The following ASIC2 variants were observed in gnomAD, a reference collection of about 807,000 sequenced individuals.
ASIC2 encodes acid-sensing ion channel 2.
ASIC2 carries 25 observed loss-of-function variants against 57.3 expected under a neutral mutation model. The ratio of observed to expected loss-of-function variants is 0.44; its 90% CI spans 0.32 to 0.61. ASIC2 has a LOEUF of 0.61. Among genes scored for constraint, ASIC2 ranks in the 20% least tolerant of loss-of-function variants. The pLI is 0.06. For synonymous variants in ASIC2, 319 were observed against 307.5 expected (o/e 1.04, Z -0.39); for missense variants, 641 against 738.1 (o/e 0.87, Z 1.52).
At chr17:33,028,159 A>G in intron 4 of ASIC2, 83 bp downstream of exon 4, 1 of 1,522,004 alleles carries the variant, frequency 6.6e-7, no homozygotes, top group Non-Finnish European at 9.0e-7. Context: ...AAGTGGGTGA[A>G]GTGTTTCCCA....
intron 1 of ASIC2, among the ~76,000 whole-genome samples, chr17:33,953,938 G>T (rs569524072): frequency 8.7e-4 from 132 of 152,322 alleles, no homozygotes; most frequent in Non-Finnish European, 1.6e-3. Flanking sequence ...GGGCAATGGG[G>T]TTCCATGGTA....
At chr17:34,073,764 T>A (rs1027444151) in intron 1 of ASIC2, among the ~76,000 whole-genome samples, 13 of 152,162 alleles carry the variant, frequency 8.5e-5, no homozygotes, top group African/African-American at 3.1e-4. Flanking sequence ...ACTTATCCAG[T>A]CAGAAGAAAC....
intron 1 of ASIC2, among the ~76,000 whole-genome samples, chr17:33,649,966 G>A (rs761902458): frequency 1.3e-4 from 20 of 152,178 alleles, no homozygotes; most frequent in South Asian, 4.2e-4. Flanking sequence ...AGTGTGGTCC[G>A]TAAAGAAAAA....
At chr17:33,687,730 C>T (rs903153078) in intron 1 of ASIC2, among the ~76,000 whole-genome samples, 3 of 152,172 alleles carry the variant, frequency 2.0e-5, no homozygotes, top group Admixed American at 1.3e-4. Context: ...ATGTAGTTTA[C>T]GGCATTTAGT....
At chr17:33,200,208 C>G (rs1221492291) in intron 1 of ASIC2, among the ~76,000 whole-genome samples, 1 of 152,186 alleles carries the variant, frequency 6.6e-6, no homozygotes, top group Non-Finnish European at 1.5e-5. Context: ...TTCTTCTTCT[C>G]TCTTGGACTG....
chr17:33,415,805 A>G (rs954771652), intron 1 of ASIC2, among the ~76,000 whole-genome samples: 6 of 152,222 alleles, frequency 3.9e-5, no homozygotes, highest in African/African-American at 1.4e-4. Context: ...TGTCCCCATG[A>G]TGCTGAGATG....
At chr17:34,081,024 T>C (rs1909858801) in intron 1 of ASIC2, 1 of 152,186 alleles carries the variant, frequency 6.6e-6, no homozygotes, top group South Asian at 2.1e-4. Flanking sequence ...AGTAAGGCTT[T>C]GCCAAGCAGC....
At chr17:33,041,645 G>A (rs1323498329) in intron 3 of ASIC2, among the ~76,000 whole-genome samples, 3 of 152,196 alleles carry the variant, frequency 2.0e-5, no homozygotes, top group African/African-American at 7.2e-5. Flanking sequence ...GCTAGGGCTG[G>A]CTTAAATGCT....
At chr17:34,029,375 C>CAAAAAAA (rs60189628) in intron 1 of ASIC2, among the ~76,000 whole-genome samples, 3 of 110,462 alleles carry the variant, frequency 2.7e-5, no homozygotes, top group Non-Finnish European at 4.1e-5. Flanking sequence ...GTGCTAAAAC[C>CAAAAAAA]AAAAAAAAAA....
intron 1 of ASIC2, among the ~76,000 whole-genome samples, chr17:33,620,829 T>C (rs914505678): frequency 6.6e-6 from 1 of 152,158 alleles, no homozygotes; most frequent in Non-Finnish European, 1.5e-5. Context: ...TTTATCCATC[T>C]TGTGAATCAA....
intron 3 of ASIC2, chr17:33,052,109 C>A (rs1451205854): frequency 6.6e-6 from 1 of 152,158 alleles, no homozygotes; most frequent in Non-Finnish European, 1.5e-5. Context: ...AAGAGGAACC[C>A]ATGGAAAAGA....
intron 1 of ASIC2, among the ~76,000 whole-genome samples, chr17:33,211,462 G>A (rs1408698821): frequency 6.6e-6 from 1 of 151,234 alleles, no homozygotes; most frequent in South Asian, 2.1e-4. Flanking sequence ...CCACCAAGGT[G>A]ACCCCAGGGA....
chr17:33,473,180 GC>G (rs1200515987), intron 1 of ASIC2, among the ~76,000 whole-genome samples: 1 of 152,236 alleles, frequency 6.6e-6, no homozygotes, highest in Non-Finnish European at 1.5e-5. Context: ...AGCCAAGGAG[GC>G]CCTGGGGCAG....
chr17:33,665,249 G>T (rs892871409), intron 1 of ASIC2, among the ~76,000 whole-genome samples: 1 of 152,010 alleles, frequency 6.6e-6, no homozygotes, highest in African/African-American at 2.4e-5. Flanking sequence ...TGGAAATGTG[G>T]TCCATATATA....
intron 1 of ASIC2, among the ~76,000 whole-genome samples, chr17:33,130,329 G>C (rs527655504): frequency 5.9e-5 from 9 of 152,230 alleles, no homozygotes; most frequent in Middle Eastern, 3.4e-3. Flanking sequence ...GGATAGAAGT[G>C]GGCATAGGTA....
Position 33,293,098 on chromosome 17 carries a change from AC to A in ASIC2, c.-984del. ...GACCCGCCAACACCTCCCGGGGGTG[AC>A]CCGGACTCGCTGCTCCGCGCGCCCT... On this transcript the variant is annotated 5_prime_UTR_variant, in exon 1 of 10. Transcript: ENST00000225823. 1.1e-6 allele frequency: 1 copy of A among 938,432 alleles called. No individual in the cohort carries two copies. 58.1% of individuals were successfully genotyped at this position (938,432 alleles called of 1,614,324 possible). A position where few individuals can be genotyped will look rare whatever the true frequency, so the allele number is the denominator to read the frequency against.
chr17:33,831,650 T>C (rs8069239), intron 1 of ASIC2, among the ~76,000 whole-genome samples: 2 of 151,748 alleles, frequency 1.3e-5, no homozygotes, highest in African/African-American at 2.4e-5. Context: ...TGATTTGATT[T>C]GGGAACTGTC....
chr17:33,977,717 G>A (rs757481852), intron 1 of ASIC2, among the ~76,000 whole-genome samples: 3 of 152,148 alleles, frequency 2.0e-5, no homozygotes, highest in Non-Finnish European at 4.4e-5. Context: ...CAAAGAGAAG[G>A]TTTTGATGTC....
At chr17:33,139,608 GCT>G (rs2092379382) in intron 1 of ASIC2, among the ~76,000 whole-genome samples, 1 of 152,130 alleles carries the variant, frequency 6.6e-6, no homozygotes, top group Non-Finnish European at 1.5e-5. Context: ...TCTCAGCCTT[GCT>G]CTCTGCTGGT....
Sources: gnomAD v4.1 joint callset for allele counts (sites outside exome capture counted in the v4.1 genomes callset) on GRCh38, gnomAD v4.1.1 for gene constraint, MANE v1.5 for transcripts, NCBI Gene and HGNC (gene_info 2026-07-23, HGNC 2026-07-21) for gene names.